PPARGC1A: variants seen among roughly 807,000 people sequenced by gnomAD.
The protein encoded by PPARGC1A is PPARG coactivator 1 alpha, also known as peroxisome proliferator-activated receptor gamma coactivator 1-alpha.
In PPARGC1A, 25 loss-of-function variants were observed where a neutral mutation model predicts 88.7. The ratio of observed to expected loss-of-function variants is 0.28; its 90% CI spans 0.21 to 0.39. The LOEUF (loss-of-function observed/expected upper bound fraction) is 0.39. Ranked by LOEUF, PPARGC1A falls within the 10% of genes least tolerant of loss-of-function variation. The probability of loss-of-function intolerance (pLI) is 1.00; values close to 1 mark genes in which losing one functional copy is unlikely to be tolerated. For missense variants in PPARGC1A, 880 were observed against 968.7 expected (o/e 0.91, Z 1.22); for synonymous variants, 363 against 355.6 (o/e 1.02, Z -0.24).
chr4:24,405,651 G>C, the PPARGC1A span, among the ~76,000 whole-genome samples: 3 of 152,294 alleles, frequency 2.0e-5, no homozygotes. Context: ...TGTCCTGCCT[G>C]AGACATTGAA....
Position 23,801,658 on chromosome 4 carries a change from AC to A in PPARGC1A, c.2293+71del, listed in dbSNP as rs1277954670. ...AGTGATGGTTCAACCCAAGGTGCCT[AC>A]GGATTATGTTTGTTCCCATCTTGAG... On this transcript the variant is annotated intron_variant, in intron 12 of 12. Transcript: ENST00000264867. 7.7e-5 allele frequency: 118 copies of A among 1,538,500 alleles called. No homozygotes were observed. In the Admixed American group the frequency reaches 1.9e-3, roughly 25 times the overall value.
intron 12 of PPARGC1A, among the ~76,000 whole-genome samples, chr4:23,796,599 G>C (rs1249146125): frequency 2.6e-5 from 4 of 152,136 alleles, no homozygotes; most frequent in East Asian, 3.9e-4. Context: ...CTTTTGAGCA[G>C]TTTCACTGCT....
the PPARGC1A span, among the ~76,000 whole-genome samples, chr4:23,981,179 C>G: frequency 6.6e-6 from 1 of 151,814 alleles, no homozygotes; most frequent in African/African-American, 2.4e-5. Flanking sequence ...TCTCCTAGTC[C>G]CCATTTATAG....
chr4:23,991,742 A>G, the PPARGC1A span, among the ~76,000 whole-genome samples: 1 of 152,046 alleles, frequency 6.6e-6, no homozygotes, highest in Non-Finnish European at 1.5e-5. Context: ...GGCATGGCAG[A>G]AATGTGAGCA....
chr4:24,120,520 T>C, the PPARGC1A span, among the ~76,000 whole-genome samples: 2 of 152,104 alleles, frequency 1.3e-5, no homozygotes, highest in Non-Finnish European at 2.9e-5. Flanking sequence ...ATTTTATAGA[T>C]GAGAAAATGA....
chr4:23,795,496 CACAT>C lies in PPARGC1A; in HGVS notation c.*322_*325del, dbSNP rs776386137. Reference sequence around the variant, plus strand: ...CCCTAAACCAAGCACACACACCACACACATACATACACACACACATACATGCACA... The same window carrying C: ...CCCTAAACCAAGCACACACACCACACACATACACACACACATACATGCACA... On this transcript the variant is annotated 3_prime_UTR_variant, in exon 13 of 13. Coordinates refer to ENST00000264867, the MANE Select transcript of PPARGC1A (RefSeq NM_013261.5). The C allele has an allele frequency of 4.0e-4, 89 of 220,514 alleles. No individual in the cohort carries two copies. Among genetic ancestry groups the C allele is most frequent in the Non-Finnish European group, 6.7e-4 (76 of 113,018 alleles). 13.7% of individuals were successfully genotyped at this position (220,514 alleles called of 1,614,324 possible).
the PPARGC1A span, among the ~76,000 whole-genome samples, chr4:24,011,380 C>T: frequency 6.6e-6 from 1 of 152,156 alleles, no homozygotes; most frequent in African/African-American, 2.4e-5. Context: ...CTCACACATA[C>T]ACACTCACAC....
chr4:24,205,362 C>T, the PPARGC1A span, among the ~76,000 whole-genome samples: 1 of 152,046 alleles, frequency 6.6e-6, no homozygotes, highest in East Asian at 1.9e-4. Context: ...GTAGAAACTT[C>T]CTTTTAGACC....
the PPARGC1A span, among the ~76,000 whole-genome samples, chr4:24,255,665 A>C: frequency 6.6e-6 from 1 of 152,162 alleles, no homozygotes; most frequent in Admixed American, 6.5e-5. Flanking sequence ...ATGATGTTTC[A>C]TTTACTTGTG....
At chr4:24,394,648 G>A in the PPARGC1A span, among the ~76,000 whole-genome samples, 8 of 152,202 alleles carry the variant, frequency 5.3e-5, no homozygotes, top group African/African-American at 1.9e-4. Context: ...ACGCTTGCAC[G>A]CTGTATGTTT....
chr4:24,112,162 C>T, the PPARGC1A span, among the ~76,000 whole-genome samples: 1 of 152,072 alleles, frequency 6.6e-6, no homozygotes. Flanking sequence ...TGACAAGCTC[C>T]AAAGTTTTCA....
In PPARGC1A at chr4:23,842,283, C is replaced by CT. The variant is rs562168609; in HGVS notation, c.235-10533dup. Among the ~76,000 whole-genome samples, 381 of 152,190 alleles carry CT rather than the reference C, an allele frequency of 2.5e-3. 2 individuals carry two copies. The highest frequency in any genetic ancestry group is 8.6e-3 in the African/African-American group (356 of 41,542). The stretch of plus-strand genomic sequence containing the variant: ...GGCTGGCCCAGTGTTGGTTCACAGC[C>CT]TTTTTTTATCCTACTGGGTGTGATT... On this transcript the variant is annotated intron_variant, in intron 2 of 12. Coordinates refer to ENST00000264867, the MANE Select transcript of PPARGC1A (RefSeq NM_013261.5).
In PPARGC1A at chr4:23,854,961, T is replaced by A. The variant is rs117775481; in HGVS notation, c.235-23210A>T. ...CTGTGTCTCCATCCAAATCTCATCTTGAATTGTAGCTCCTATAATTCCCAC... is the reference window on the plus strand; with the variant it reads ...CTGTGTCTCCATCCAAATCTCATCTAGAATTGTAGCTCCTATAATTCCCAC... On this transcript the variant is annotated intron_variant, in intron 2 of 12. Coordinates refer to ENST00000264867, the MANE Select transcript of PPARGC1A (RefSeq NM_013261.5). Among the ~76,000 whole-genome samples the A allele has an allele frequency of 9.8e-3, 1,493 of 152,298 alleles. 21 individuals carry two copies. Among genetic ancestry groups the A allele is most frequent in the East Asian group, 0.079 (409 of 5,172 alleles).
chr4:23,805,509 A>G (rs1434753082), intron 10 of PPARGC1A, among the ~76,000 whole-genome samples: 2 of 152,174 alleles, frequency 1.3e-5, no homozygotes, highest in Admixed American at 6.5e-5. Context: ...GTCTCAATTG[A>G]AGGCTGTGAT....
the PPARGC1A span, among the ~76,000 whole-genome samples, chr4:23,944,251 A>C: frequency 6.6e-6 from 1 of 152,206 alleles, no homozygotes; most frequent in African/African-American, 2.4e-5. Context: ...AAAGATTCTA[A>C]AATAAAAAGT....
At chr4:24,183,809 A>T in the PPARGC1A span, among the ~76,000 whole-genome samples, 1 of 152,196 alleles carries the variant, frequency 6.6e-6, no homozygotes, top group Non-Finnish European at 1.5e-5. Context: ...TTCCTCACGG[A>T]AATTTTTTTT....
At chr4:23,915,067 G>C in the PPARGC1A span, among the ~76,000 whole-genome samples, 2 of 152,178 alleles carry the variant, frequency 1.3e-5, no homozygotes, top group African/African-American at 4.8e-5. Context: ...ACTTAAAAAG[G>C]AGGAGAGACT....
At chr4:23,898,682 G>T (rs1000171343) in intron 1 of PPARGC1A, among the ~76,000 whole-genome samples, 1 of 152,122 alleles carries the variant, frequency 6.6e-6, no homozygotes. Context: ...GCAAAAAGAG[G>T]TTGATGAGAG....
At chr4:24,064,435 C>T in the PPARGC1A span, among the ~76,000 whole-genome samples, 941 of 152,112 alleles carry the variant, frequency 6.2e-3, 4 homozygotes, top group Non-Finnish European at 9.8e-3. Context: ...TTCCATTGCC[C>T]TGGATGCACA....
Sources: gnomAD v4.1 joint callset for allele counts (sites outside exome capture counted in the v4.1 genomes callset) on GRCh38, gnomAD v4.1.1 for gene constraint, MANE v1.5 for transcripts, NCBI Gene and HGNC (gene_info 2026-07-23, HGNC 2026-07-21) for gene names.